CLMN: variants seen among roughly 807,000 people sequenced by gnomAD.
CLMN encodes calmin.
A neutral mutation model predicts 92.7 loss-of-function variants in CLMN; 57 were observed. The ratio of observed to expected loss-of-function variants is 0.61; its 90% CI spans 0.50 to 0.77. CLMN has a LOEUF of 0.77. Ranked by LOEUF, CLMN falls within the 30% of genes least tolerant of loss-of-function variation. The probability of loss-of-function intolerance (pLI) is 0.00; values close to 1 mark genes in which losing one functional copy is unlikely to be tolerated. For synonymous variants in CLMN, 466 were observed against 470.6 expected, an observed-to-expected ratio of 0.99 and a Z score of 0.13; for missense variants, 1,158 against 1,237.5, an observed-to-expected ratio of 0.94 and a Z score of 0.96.
At chr14:95,272,503 C>T (rs140926207) in intron 1 of CLMN, among the ~76,000 whole-genome samples, 146 of 152,272 alleles carry the variant, frequency 9.6e-4, no homozygotes, top group Middle Eastern at 3.4e-3. Flanking sequence ...GCCAGGGGCC[C>T]GGAATCTCAA....
intron 1 of CLMN, among the ~76,000 whole-genome samples, chr14:95,242,142 TG>T (rs1356963043): frequency 6.9e-6 from 1 of 145,398 alleles, no homozygotes; most frequent in African/African-American, 2.8e-5. Flanking sequence ...GATGGTCATC[TG>T]GGGAAATTTG....
intron 1 of CLMN, among the ~76,000 whole-genome samples, chr14:95,281,740 A>C (rs1479648468): frequency 6.6e-6 from 1 of 152,196 alleles, no homozygotes; most frequent in Non-Finnish European, 1.5e-5. Context: ...ATTTTGCTTT[A>C]CTGTTGTGGA....
intron 1 of CLMN, among the ~76,000 whole-genome samples, chr14:95,286,548 T>C (rs1348784892): frequency 1.3e-5 from 2 of 152,228 alleles, no homozygotes; most frequent in East Asian, 3.8e-4. Flanking sequence ...TGGAATAAGA[T>C]AGTGGTAATG....
At chr14:95,218,928 C>T (rs1280271364) in intron 4 of CLMN, among the ~76,000 whole-genome samples, 1 of 152,246 alleles carries the variant, frequency 6.6e-6, no homozygotes, top group Non-Finnish European at 1.5e-5. Flanking sequence ...GCACTGCACT[C>T]CCTCATTGCC....
intron 2 of CLMN, among the ~76,000 whole-genome samples, chr14:95,224,985 T>C (rs1414599378): frequency 6.6e-6 from 1 of 152,154 alleles, no homozygotes; most frequent in Non-Finnish European, 1.5e-5. Context: ...GCTCAATGGT[T>C]GGGTGAAGGG....
chr14:95,196,827 T>A, intron 9 of CLMN, 133 bp from the exon 10 acceptor site: 1 of 778,902 alleles, frequency 1.3e-6, no homozygotes, highest in Non-Finnish European at 2.0e-6. Context: ...CTGATCCTCT[T>A]CATGAATCCC....
rs1566896432 is a variant in CLMN, at chr14:95,253,610, T to TTTTTTG, written c.83-23478_83-23477insCAAAAA. 2.9e-5 allele frequency among the ~76,000 whole-genome samples: 3 copies of TTTTTTG among 105,214 alleles called. No individual in the cohort carries two copies. In the East Asian group the frequency reaches 6.7e-4, roughly 24 times the overall value. 69.0% of individuals were successfully genotyped at this position (105,214 alleles called of 152,430 possible). A position where few individuals can be genotyped will look rare whatever the true frequency, so the allele number is the denominator to read the frequency against. ...GGCTCATTAACACAGTGTTTTTTTG[T>TTTTTTG]TTTTTTGTTTTTTTTTTTTTGAGAC... On this transcript the variant is annotated intron_variant, in intron 1 of 12. Transcript: ENST00000298912.
chr14:95,207,736 G>A (rs1897084941), intron 8 of CLMN, among the ~76,000 whole-genome samples: 1 of 152,216 alleles, frequency 6.6e-6, no homozygotes, highest in African/African-American at 2.4e-5. Flanking sequence ...AGGAATTCCT[G>A]CTTCCACAGC....
chr14:95,195,828 G>C (rs1566857870), intron 10 of CLMN, among the ~76,000 whole-genome samples: 1 of 152,218 alleles, frequency 6.6e-6, no homozygotes, highest in Non-Finnish European at 1.5e-5. Context: ...GGAGAGACCA[G>C]GGTCTTCTGA....
At position 95,191,785 on chromosome 14, in the gene CLMN, T is replaced by C; in HGVS notation, c.2841-53A>G. The C allele has an allele frequency of 1.9e-6, 3 of 1,541,796 alleles. No homozygotes were observed. The highest frequency in any genetic ancestry group is 2.6e-6 in the Non-Finnish European group (3 of 1,145,352). ...GTTACCAAGCAGGTTCCCAGGAAAG[T>C]GGACCCCACCCAGTGCTACCCGTCT... On this transcript the variant is annotated intron_variant, in intron 12 of 12. Coordinates refer to ENST00000298912, the MANE Select transcript of CLMN (RefSeq NM_024734.4). This position sits in a 1 kb window ranked among gnomAD's most constrained non-coding sequence, Gnocchi z 5.3.
rs150899564 is a variant in CLMN at position 95,284,040 on chromosome 14, C to A, written c.82+35671G>T. 2.2e-3 allele frequency among the ~76,000 whole-genome samples: 335 copies of A among 152,244 alleles called. 1 individual carries two copies. Among genetic ancestry groups the A allele is most frequent in the African/African-American group, 7.3e-3 (305 of 41,524 alleles). On this transcript the variant is annotated intron_variant, in intron 1 of 12. Transcript: ENST00000298912. ...AGGTGGAAAAAATGGTTTTGTGGGC[C>A]AGACCCAGGGTGCCTGTGCTGTGTG...
At chr14:95,251,318 A>G (rs1293850831) in intron 1 of CLMN, among the ~76,000 whole-genome samples, 2 of 152,184 alleles carry the variant, frequency 1.3e-5, no homozygotes, top group Non-Finnish European at 2.9e-5. Flanking sequence ...ATCGAATCCC[A>G]TATTCTCACC....
chr14:95,245,184 A>ATATATAT (rs1555390318), intron 1 of CLMN, among the ~76,000 whole-genome samples: 13 of 42,584 alleles, frequency 3.1e-4, no homozygotes, highest in African/African-American at 1.3e-3. Context: ...TTATATATAT[A>ATATATAT]TATATATATA....
At chr14:95,195,986 G>T (rs146291366) in intron 10 of CLMN, among the ~76,000 whole-genome samples, 9 of 152,276 alleles carry the variant, frequency 5.9e-5, no homozygotes, top group Admixed American at 5.2e-4. Flanking sequence ...GCTAAATCAA[G>T]CATCCCTACT....
chr14:95,248,746 A>G lies in CLMN; in HGVS notation c.83-18613T>C, dbSNP rs1246606484. On this transcript the variant is annotated intron_variant, in intron 1 of 12. Coordinates refer to ENST00000298912, the MANE Select transcript of CLMN (RefSeq NM_024734.4). ...TCTGCAAGGGAAGAATCCTGTCTTCAAAGTCTAAATGCCATAAAAGGGCTT... is the reference window on the plus strand; with the variant it reads ...TCTGCAAGGGAAGAATCCTGTCTTCGAAGTCTAAATGCCATAAAAGGGCTT... Among the ~76,000 whole-genome samples, 5 of 152,198 alleles carry G rather than the reference A, an allele frequency of 3.3e-5. No individual in the cohort carries two copies. In the South Asian group the frequency reaches 8.3e-4, roughly 25 times the overall value.
At chr14:95,292,401 C>A (rs958085068) in intron 1 of CLMN, among the ~76,000 whole-genome samples, 16 of 151,512 alleles carry the variant, frequency 1.1e-4, no homozygotes, top group African/African-American at 3.9e-4. Context: ...CAAACAAACA[C>A]CAGTAATGAG....
chr14:95,249,128 C>T (rs1898685203), intron 1 of CLMN, among the ~76,000 whole-genome samples: 2 of 152,158 alleles, frequency 1.3e-5, no homozygotes, highest in African/African-American at 2.4e-5. Context: ...ACGTTTGTTG[C>T]ATTTTTGATG....
In CLMN at chr14:95,245,252, ATAAT is replaced by A. The variant is rs1473897781; in HGVS notation, c.83-15123_83-15120del. Among the ~76,000 whole-genome samples the A allele has an allele frequency of 3.0e-4, 11 of 36,248 alleles. 1 individual carries two copies. The highest frequency in any genetic ancestry group is 1.1e-3 in the African/African-American group (6 of 5,508). 23.8% of individuals were successfully genotyped at this position (36,248 alleles called of 152,430 possible). A position where few individuals can be genotyped will look rare whatever the true frequency, so the allele number is the denominator to read the frequency against. On this transcript the variant is annotated intron_variant, in intron 1 of 12. Transcript: ENST00000298912. ...ATATATATATATTATATATATATAT[ATAAT>A]ATATATATATATATTATATATATAT...
intron 1 of CLMN, among the ~76,000 whole-genome samples, chr14:95,272,976 C>T (rs1899773681): frequency 6.6e-6 from 1 of 152,184 alleles, no homozygotes; most frequent in African/African-American, 2.4e-5. Flanking sequence ...TTTCCCTTCC[C>T]CAAAGCAAAC....
Sources: gnomAD v4.1 joint callset for allele counts (sites outside exome capture counted in the v4.1 genomes callset) on GRCh38, gnomAD v4.1.1 for gene constraint, Gnocchi (gnomAD v3.1) non-coding constraint, MANE v1.5 for transcripts, NCBI Gene and HGNC (gene_info 2026-07-23, HGNC 2026-07-21) for gene names.